NTM: variants seen among roughly 807,000 people sequenced by gnomAD.
NTM encodes IgLON family member 2.
Under a neutral mutation model 42.1 loss-of-function variants are expected in NTM, and 13 were observed. The ratio of observed to expected loss-of-function variants is 0.31; its 90% CI spans 0.20 to 0.49. The LOEUF (loss-of-function observed/expected upper bound fraction) is 0.49. Ranked by LOEUF, NTM falls within the 20% of genes least tolerant of loss-of-function variation. NTM has a pLI of 0.99. For synonymous variants in NTM, 187 were observed against 179.2 expected (o/e 1.04, Z -0.35); for missense variants, 373 against 452.8 (o/e 0.82, Z 1.60).
At chr11:131,912,262 C>T (rs190117771) in intron 2 of NTM, among the ~76,000 whole-genome samples, 18 of 152,208 alleles carry the variant, frequency 1.2e-4, no homozygotes, top group African/African-American at 3.9e-4. Context: ...CTGATTTGTC[C>T]GTGGAAAATG....
intron 1 of NTM, among the ~76,000 whole-genome samples, chr11:131,478,639 A>G (rs563267026): frequency 1.3e-5 from 2 of 152,336 alleles, no homozygotes; most frequent in South Asian, 4.1e-4. Flanking sequence ...AAGCACATTC[A>G]TAATCAGAGA....
chr11:132,259,071 T>C (rs1047174783), intron 4 of NTM, among the ~76,000 whole-genome samples: 1 of 152,196 alleles, frequency 6.6e-6, no homozygotes, highest in Non-Finnish European at 1.5e-5. Context: ...CCTGCCTTGG[T>C]TTCTCTGTGA....
chr11:131,589,464 A>G (rs2059171557), intron 1 of NTM, among the ~76,000 whole-genome samples: 1 of 152,170 alleles, frequency 6.6e-6, no homozygotes. Context: ...CTCCATCCAG[A>G]AACTGCAGTC....
At chr11:132,042,047 C>T (rs1441740653) in intron 2 of NTM, among the ~76,000 whole-genome samples, 1 of 152,172 alleles carries the variant, frequency 6.6e-6, no homozygotes, top group Non-Finnish European at 1.5e-5. Context: ...GCCTGGCATT[C>T]TATTGAACTT....
intron 1 of NTM, among the ~76,000 whole-genome samples, chr11:131,526,525 G>A (rs529483912): frequency 3.3e-5 from 5 of 152,312 alleles, no homozygotes; most frequent in East Asian, 1.9e-4. Flanking sequence ...AGCTGTTTTC[G>A]AGCAGTGTGA....
intron 1 of NTM, among the ~76,000 whole-genome samples, chr11:131,848,239 T>C (rs2045152012): frequency 1.3e-5 from 2 of 152,362 alleles, no homozygotes; most frequent in South Asian, 4.1e-4. Context: ...CTAACTTGTG[T>C]ATTTTCCCTT....
At chr11:131,408,362 C>G (rs973905166) in intron 1 of NTM, among the ~76,000 whole-genome samples, 3 of 152,158 alleles carry the variant, frequency 2.0e-5, no homozygotes, top group Admixed American at 6.5e-5. Flanking sequence ...AATCCTTGGA[C>G]TTTTGAAGAG....
At chr11:131,930,406 G>A (rs558707090) in intron 2 of NTM, among the ~76,000 whole-genome samples, 10 of 152,172 alleles carry the variant, frequency 6.6e-5, no homozygotes, top group African/African-American at 2.2e-4. Flanking sequence ...CCCTGCACTC[G>A]GCAAATGTTT....
Position 132,002,785 on chromosome 11 carries a change from A to T in NTM, c.167+91137A>T, listed in dbSNP as rs545570606. On this transcript the variant is annotated intron_variant, in intron 2 of 8. Transcript: ENST00000683400. The surrounding 1 kb of genome is among the most constrained non-coding windows in gnomAD (Gnocchi z 4.5). ...CTTTATCAATAAACTCATTGGGAAA[A>T]GTGGAGGAAATCATAGTAACGATTT... Among the ~76,000 whole-genome samples, 2 of 152,166 alleles carry T rather than the reference A, an allele frequency of 1.3e-5. No individual in the cohort carries two copies. The highest frequency in any genetic ancestry group is 2.9e-5 in the Non-Finnish European group (2 of 68,032).
chr11:132,066,283 C>A (rs573694790), intron 2 of NTM, among the ~76,000 whole-genome samples: 1 of 152,204 alleles, frequency 6.6e-6, no homozygotes, highest in Non-Finnish European at 1.5e-5. Flanking sequence ...GTCTCCTCCA[C>A]CTGAGGAACT....
intron 1 of NTM, among the ~76,000 whole-genome samples, chr11:131,649,785 C>T (rs373194840): frequency 6.6e-6 from 1 of 152,114 alleles, no homozygotes; most frequent in South Asian, 2.1e-4. Context: ...TAATTTTGTG[C>T]TTTTTTTCTT....
intron 2 of NTM, among the ~76,000 whole-genome samples, chr11:132,067,274 C>T (rs946457814): frequency 5.3e-5 from 8 of 152,202 alleles, no homozygotes; most frequent in African/African-American, 1.9e-4. Context: ...ATTTTTTAGC[C>T]TCTCACAGTG....
At chr11:131,794,611 G>A in intron 1 of NTM, 2 of 960,774 alleles carry the variant, frequency 2.1e-6, no homozygotes, top group South Asian at 9.9e-5. Context: ...CAAAATAAGT[G>A]CTGGATGAGT....
chr11:131,709,353 C>T (rs1381857572), intron 1 of NTM, among the ~76,000 whole-genome samples: 1 of 152,054 alleles, frequency 6.6e-6, no homozygotes. Context: ...TTTTTAGGCT[C>T]CAGGGGGCAA....
At chr11:132,328,394 G>C (rs1017807722) in intron 7 of NTM, among the ~76,000 whole-genome samples, 3 of 152,146 alleles carry the variant, frequency 2.0e-5, no homozygotes, top group African/African-American at 7.2e-5. Flanking sequence ...ACACTAAAAA[G>C]AGTTGGCCAT....
intron 1 of NTM, among the ~76,000 whole-genome samples, chr11:131,415,139 T>G (rs1267450993): frequency 6.6e-6 from 1 of 152,232 alleles, no homozygotes; most frequent in Admixed American, 6.5e-5. Context: ...GGGGTTGAGC[T>G]GTAATTGCAG....
chr11:131,795,581 C>T (rs1225787219), intron 1 of NTM: 17 of 985,290 alleles, frequency 1.7e-5, no homozygotes, highest in South Asian at 9.4e-5. Flanking sequence ...CGGGAGTCCC[C>T]GCGAGAACCC....
intron 1 of NTM, among the ~76,000 whole-genome samples, chr11:131,658,443 C>T (rs1302967564): frequency 6.6e-6 from 1 of 152,238 alleles, no homozygotes; most frequent in Non-Finnish European, 1.5e-5. Context: ...TCCACACCCA[C>T]GTGGTGCAGC....
chr11:132,044,006 A>ATG (rs1444310595), intron 2 of NTM, among the ~76,000 whole-genome samples: 6 of 114,720 alleles, frequency 5.2e-5, no homozygotes, highest in East Asian at 2.4e-4. Flanking sequence ...GGGTATGTGT[A>ATG]TGTGTGTGTA....
Sources: gnomAD v4.1 joint callset for allele counts (sites outside exome capture counted in the v4.1 genomes callset) on GRCh38, gnomAD v4.1.1 for gene constraint, Gnocchi (gnomAD v3.1) non-coding constraint, MANE v1.5 for transcripts, NCBI Gene and HGNC (gene_info 2026-07-23, HGNC 2026-07-21) for gene names.